PCDHGB1: variants seen among roughly 807,000 people sequenced by gnomAD.
PCDHGB1 encodes protocadherin gamma-B1.
Under a neutral mutation model 56.6 loss-of-function variants are expected in PCDHGB1, and 34 were observed. The ratio of observed to expected loss-of-function variants is 0.60; its 90% CI spans 0.46 to 0.80. The LOEUF is 0.80. Among genes scored for constraint, PCDHGB1 ranks in the 30% least tolerant of loss-of-function variants. PCDHGB1 has a pLI of 0.00. For synonymous variants in PCDHGB1, 561 were observed against 505.9 expected, an observed-to-expected ratio of 1.11 and a Z score of -1.46; for missense variants, 1,278 against 1,204.6, an observed-to-expected ratio of 1.06 and a Z score of -0.90.
rs200843744 is a variant in PCDHGB1, at chr5:141,491,417, G to C, written c.2410-3390G>C. 18 of 1,613,988 alleles carry C rather than the reference G, an allele frequency of 1.1e-5. No individual in the cohort carries two copies. Among genetic ancestry groups the C allele is most frequent in the Admixed American group, 5.0e-5 (3 of 60,006 alleles). ...CAGGGAAACGCAGACGGGGACGGGGGTGGAGGGCAGTGCTGCAGGCGCCAG... is the reference window on the plus strand; with the variant it reads ...CAGGGAAACGCAGACGGGGACGGGGCTGGAGGGCAGTGCTGCAGGCGCCAG... On this transcript the variant is annotated intron_variant, in intron 1 of 3. Transcript: ENST00000523390. This position sits in a 1 kb window ranked among gnomAD's most constrained non-coding sequence, Gnocchi z 6.9.
rs1291727909 is a variant in PCDHGB1 at position 141,351,099 on chromosome 5, A to G, written c.839A>G (p.Asn280Ser). 5 of 1,614,078 alleles carry G rather than the reference A, an allele frequency of 3.1e-6. No individual in the cohort carries two copies. Among genetic ancestry groups the G allele is most frequent in the Non-Finnish European group, 3.4e-6 (4 of 1,179,910 alleles). ...INAEITYAFL[N>S]SPISTSLFNL... The stretch of plus-strand genomic sequence containing the variant: ...GCAGAGATCACCTATGCCTTCCTCA[A>G]TTCCCCAATAAGTACCAGCCTCTTC... Residue 280 changes from asparagine to serine, a missense_variant, in exon 1 of 4, where the codon AAT becomes AGT. Coordinates refer to ENST00000523390, the MANE Select transcript of PCDHGB1 (RefSeq NM_018922.3).
Position 141,486,817 on chromosome 5 carries a change from T to A in PCDHGB1, c.2410-7990T>A, listed in dbSNP as rs143638501. On this transcript the variant is annotated intron_variant, in intron 1 of 3. Transcript: ENST00000523390. The surrounding 1 kb of genome is among the most constrained non-coding windows in gnomAD (Gnocchi z 5.0). ...GGGGCAACCCACCCCTTAGCAGCAC[T>A]GTAACAGTTCGTCTATTTGTGCTGG... 1 of 1,614,102 alleles carries A rather than the reference T, an allele frequency of 6.2e-7. No homozygotes were observed. Among genetic ancestry groups the A allele is most frequent in the East Asian group, 2.2e-5 (1 of 44,898 alleles).
At position 141,352,311 on chromosome 5, in the gene PCDHGB1, T is replaced by G. The variant is rs1401327005; in HGVS notation, c.2051T>G (p.Leu684Arg). The G allele has an allele frequency of 8.1e-6, 13 of 1,613,938 alleles. No homozygotes were observed. Among genetic ancestry groups the G allele is most frequent in the Non-Finnish European group, 1.1e-5 (13 of 1,179,916 alleles). The change falls in exon 1 of 4, where the codon CTG (leucine) becomes CGG (arginine). Residue 684 changes from leucine (L) to arginine (R), a missense_variant. By Grantham distance (102) the Leu-to-Arg change is moderately radical (BLOSUM62 -2). Transcript: ENST00000523390. ...RPEPSDPQTE[L>R]QFYLVVALAL... ...GAGCCCTCTGACCCCCAGACGGAAC[T>G]GCAGTTTTACCTGGTTGTGGCCTTG...
chr5:141,429,416 T>C (rs527999196), intron 1 of PCDHGB1, among the ~76,000 whole-genome samples: 1 of 152,230 alleles, frequency 6.6e-6, no homozygotes, highest in Admixed American at 6.5e-5. Flanking sequence ...GGTCTCATTA[T>C]GTTGCCCAGG....
chr5:141,374,837 C>T (rs1240795815), intron 1 of PCDHGB1: 1 of 1,613,766 alleles, frequency 6.2e-7, no homozygotes, highest in Non-Finnish European at 8.5e-7. Flanking sequence ...TGTAAGTGTT[C>T]CTGAAAACCT....
chr5:141,376,416 C>T (rs1450125576), intron 1 of PCDHGB1: 1 of 1,614,216 alleles, frequency 6.2e-7, no homozygotes, highest in Non-Finnish European at 8.5e-7. Context: ...TATGCCGACA[C>T]GCTTATCAAC....
intron 1 of PCDHGB1, chr5:141,362,273 T>G (rs1762411224): frequency 1.2e-6 from 2 of 1,613,954 alleles, no homozygotes; most frequent in Non-Finnish European, 8.5e-7. Context: ...GCAATCTCCC[T>G]GCGCCTGCGA....
intron 1 of PCDHGB1, among the ~76,000 whole-genome samples, chr5:141,475,518 T>C (rs963473660): frequency 1.3e-5 from 2 of 152,356 alleles, no homozygotes; most frequent in East Asian, 1.9e-4. Flanking sequence ...TCCACGGAAA[T>C]GCTAAATGCC....
intron 1 of PCDHGB1, among the ~76,000 whole-genome samples, chr5:141,483,613 C>A (rs2099583607): frequency 6.6e-6 from 1 of 151,914 alleles, no homozygotes; most frequent in South Asian, 2.1e-4. Context: ...ACACCTCCAT[C>A]ATTCCCATGG....
intron 1 of PCDHGB1, chr5:141,357,204 C>T (rs1216545771): frequency 1.2e-6 from 2 of 1,613,716 alleles, no homozygotes; most frequent in African/African-American, 1.3e-5. Flanking sequence ...CCGACAGCAT[C>T]CCAGATGTCC....
rs192631651 is a variant in PCDHGB1, at chr5:141,432,052, C to G, written c.2410-62755C>G. On this transcript the variant is annotated intron_variant, in intron 1 of 3. Transcript: ENST00000523390. The surrounding 1 kb of genome is among the most constrained non-coding windows in gnomAD (Gnocchi z 6.0). Reference sequence around the variant, plus strand: ...CCGCCACTGACCGGGGAACCCCGCCCCTATCCACGGAAACTCATATCTCGC... The same window carrying G: ...CCGCCACTGACCGGGGAACCCCGCCGCTATCCACGGAAACTCATATCTCGC... The G allele has an allele frequency of 8.1e-6, 13 of 1,614,226 alleles. No homozygotes were observed. In the Admixed American group the frequency reaches 1.8e-4, roughly 23 times the overall value.
At chr5:141,504,236 C>A (rs1011850372) in intron 2 of PCDHGB1, among the ~76,000 whole-genome samples, 2 of 152,194 alleles carry the variant, frequency 1.3e-5, no homozygotes, top group African/African-American at 4.8e-5. Flanking sequence ...TTCTAAGAAG[C>A]AGAGAGTTCT....
chr5:141,476,666 G>C lies in PCDHGB1; in HGVS notation c.2410-18141G>C, dbSNP rs2099395856. On this transcript the variant is annotated intron_variant, in intron 1 of 3. Coordinates refer to ENST00000523390, the MANE Select transcript of PCDHGB1 (RefSeq NM_018922.3). This position sits in a 1 kb window ranked among gnomAD's most constrained non-coding sequence, Gnocchi z 7.6. The stretch of plus-strand genomic sequence containing the variant: ...CCGAAATGAATACTTTGCGCTTCGC[G>C]TGCAGACGCGGGAGGACAGCACCAA... 6.2e-7 allele frequency: 1 copy of C among 1,614,246 alleles called. No individual in the cohort carries two copies. The highest frequency in any genetic ancestry group is 8.5e-7 in the Non-Finnish European group (1 of 1,180,044).
intron 1 of PCDHGB1, chr5:141,430,840 A>G: frequency 6.4e-7 from 1 of 1,565,876 alleles, no homozygotes; most frequent in East Asian, 2.2e-5. Flanking sequence ...GGGAGACCGG[A>G]TGCACCCAGA....
intron 1 of PCDHGB1, among the ~76,000 whole-genome samples, chr5:141,474,248 A>G (rs2099346089): frequency 6.6e-6 from 1 of 152,220 alleles, no homozygotes; most frequent in African/African-American, 2.4e-5. Context: ...TAGGGGAAAA[A>G]AAGACTGATA....
intron 1 of PCDHGB1, chr5:141,375,270 A>T (rs1771295281): frequency 6.2e-7 from 1 of 1,613,754 alleles, no homozygotes. Flanking sequence ...GAATTGGAAA[A>T]ATCAGTTGGC....
chr5:141,388,394 C>G lies in PCDHGB1; in HGVS notation c.2409+35725C>G, dbSNP rs371227077. 5 of 1,613,846 alleles carry G rather than the reference C, an allele frequency of 3.1e-6. No individual in the cohort carries two copies. In the African/African-American group the frequency reaches 4.0e-5, roughly 13 times the overall value. ...TTGGTAGCAACACACTGCAGAATTA[C>G]CAACTCAGTCCCAGTGATCATTTCT... On this transcript the variant is annotated intron_variant, in intron 1 of 3. Coordinates refer to ENST00000523390, the MANE Select transcript of PCDHGB1 (RefSeq NM_018922.3).
Position 141,486,662 on chromosome 5 carries a change from C to T in PCDHGB1, c.2410-8145C>T. 6.2e-7 allele frequency: 1 copy of T among 1,613,970 alleles called. No homozygotes were observed. The highest frequency in any genetic ancestry group is 1.1e-5 in the South Asian group (1 of 91,086). ...GCTTATCTCCTACTCACTCCTGGAG[C>T]CCAGGAATCGAGATGTATCAGCTTC... On this transcript the variant is annotated intron_variant, in intron 1 of 3. Coordinates refer to ENST00000523390, the MANE Select transcript of PCDHGB1 (RefSeq NM_018922.3). The surrounding 1 kb of genome is among the most constrained non-coding windows in gnomAD (Gnocchi z 5.0).
At chr5:141,399,652 G>A in intron 1 of PCDHGB1, 1 of 1,613,758 alleles carries the variant, frequency 6.2e-7, no homozygotes, top group Non-Finnish European at 8.5e-7. Flanking sequence ...GCAAAGTGGG[G>A]TGGTGTTCGC....
Sources: allele counts gnomAD v4.1 joint callset (sites outside exome capture counted in the v4.1 genomes callset), GRCh38; gene constraint gnomAD v4.1.1; non-coding constraint Gnocchi (gnomAD v3.1); transcripts MANE v1.5; gene names NCBI Gene and HGNC (gene_info 2026-07-23, HGNC 2026-07-21).